Variants in SHISA9 observed in about 807,000 individuals in gnomAD.
The protein encoded by SHISA9 is shisa family member 9.
A neutral mutation model predicts 38.0 loss-of-function variants in SHISA9; 13 were observed. The ratio of observed to expected loss-of-function variants is 0.34; its 90% CI spans 0.22 to 0.54. The LOEUF (loss-of-function observed/expected upper bound fraction) is 0.54, where lower values mean the gene tolerates loss of function less well. Ranked by LOEUF, SHISA9 falls within the 20% of genes least tolerant of loss-of-function variation. The pLI, the probability that SHISA9 is intolerant of heterozygous loss-of-function variation, is 0.91. For synonymous variants in SHISA9, 275 were observed against 242.0 expected (o/e 1.14, Z -1.27); for missense variants, 538 against 575.8 (o/e 0.93, Z 0.67).
At chr16:13,407,360 G>T in the SHISA9 span, among the ~76,000 whole-genome samples, 3 of 152,112 alleles carry the variant, frequency 2.0e-5, no homozygotes, top group Non-Finnish European at 4.4e-5. Context: ...GTGCATTCAC[G>T]TGGTGGAAGA....
chr16:13,166,776 C>G (rs895140497), intron 2 of SHISA9, among the ~76,000 whole-genome samples: 1 of 152,102 alleles, frequency 6.6e-6, no homozygotes, highest in African/African-American at 2.4e-5. Flanking sequence ...TGGTTGTGGG[C>G]AAAGAAGCCA....
chr16:13,403,420 T>C, the SHISA9 span, among the ~76,000 whole-genome samples: 2 of 152,204 alleles, frequency 1.3e-5, no homozygotes, highest in Admixed American at 6.5e-5. Context: ...GTGGAATGAA[T>C]GAATGGATGG....
At chr16:13,114,100 C>T (rs2074006056) in intron 2 of SHISA9, among the ~76,000 whole-genome samples, 1 of 152,122 alleles carries the variant, frequency 6.6e-6, no homozygotes, top group African/African-American at 2.4e-5. Context: ...AGCAAACTCA[C>T]AATATTGAAG....
intron 2 of SHISA9, among the ~76,000 whole-genome samples, chr16:12,996,085 G>A (rs187263679): frequency 4.0e-4 from 61 of 152,304 alleles, no homozygotes; most frequent in Non-Finnish European, 7.5e-4. Context: ...TGATGTACAC[G>A]TGCCTCTTTT....
chr16:13,260,795 A>G, the SHISA9 span, among the ~76,000 whole-genome samples: 1 of 151,866 alleles, frequency 6.6e-6, no homozygotes, highest in East Asian at 1.9e-4. Flanking sequence ...GCCCCCCTTT[A>G]CTGGTACCAA....
intron 2 of SHISA9, among the ~76,000 whole-genome samples, chr16:13,122,203 C>G (rs2050218000): frequency 6.6e-6 from 1 of 152,110 alleles, no homozygotes; most frequent in African/African-American, 2.4e-5. Context: ...AGAAATCCAG[C>G]CTTTGTGAAC....
At chr16:13,190,730 C>T (rs2050876982) in intron 2 of SHISA9, among the ~76,000 whole-genome samples, 1 of 152,174 alleles carries the variant, frequency 6.6e-6, no homozygotes, top group African/African-American at 2.4e-5. Context: ...CTCTGTCCCC[C>T]AGAGCCTGCA....
chr16:13,453,365 C>A, the SHISA9 span, among the ~76,000 whole-genome samples: 2 of 152,178 alleles, frequency 1.3e-5, no homozygotes, highest in Non-Finnish European at 2.9e-5. Context: ...TCTGTAACTC[C>A]CTGGCTTGGA....
the SHISA9 span, among the ~76,000 whole-genome samples, chr16:13,402,512 CTTT>C: frequency 3.2e-5 from 4 of 125,268 alleles, no homozygotes; most frequent in Non-Finnish European, 3.4e-5. Context: ...AGAGGGTGGT[CTTT>C]TTTTTTTTTT....
the SHISA9 span, among the ~76,000 whole-genome samples, chr16:13,491,046 T>C: frequency 6.6e-6 from 1 of 152,244 alleles, no homozygotes. Flanking sequence ...CCCAATACTT[T>C]CATGTAACTA....
At chr16:13,174,279 G>T (rs2050712934) in intron 2 of SHISA9, among the ~76,000 whole-genome samples, 1 of 152,136 alleles carries the variant, frequency 6.6e-6, no homozygotes, top group African/African-American at 2.4e-5. Flanking sequence ...ACAAAAACAT[G>T]ACTCTCCTCT....
the SHISA9 span, among the ~76,000 whole-genome samples, chr16:13,290,380 A>G: frequency 2.6e-5 from 4 of 152,078 alleles, no homozygotes; most frequent in African/African-American, 9.7e-5. Flanking sequence ...GCATTCACCC[A>G]TGCTTTTAGC....
At chr16:13,347,733 T>G in the SHISA9 span, among the ~76,000 whole-genome samples, 1 of 152,206 alleles carries the variant, frequency 6.6e-6, no homozygotes, top group Non-Finnish European at 1.5e-5. Context: ...CCTGTCTTCA[T>G]TCTCCTGCAG....
chr16:13,008,653 CCCTCCCTCCCTT>C (rs532084214), intron 2 of SHISA9, among the ~76,000 whole-genome samples: 4,152 of 80,360 alleles, frequency 0.052, 413 homozygotes, highest in African/African-American at 0.15. Flanking sequence ...CTCCCTCCCT[CCCTCCCTCCCTT>C]CCTCCCTCCC....
intron 2 of SHISA9, among the ~76,000 whole-genome samples, chr16:13,163,828 C>T (rs1047139857): frequency 2.0e-5 from 3 of 152,016 alleles, no homozygotes; most frequent in African/African-American, 7.2e-5. Flanking sequence ...GTATGTTAAC[C>T]TTGTGTCTTG....
intron 2 of SHISA9, among the ~76,000 whole-genome samples, chr16:12,995,546 G>A (rs1047412442): frequency 2.6e-5 from 4 of 152,114 alleles, no homozygotes; most frequent in Non-Finnish European, 4.4e-5. Context: ...TGTCTTAAAC[G>A]CAAATGAGGG....
chr16:13,247,198 A>C, the SHISA9 span, among the ~76,000 whole-genome samples: 4 of 152,080 alleles, frequency 2.6e-5, no homozygotes, highest in African/African-American at 9.7e-5. Flanking sequence ...GAACTCACTC[A>C]CTATCATGAG....
chr16:13,071,286 C>G (rs1280206587), intron 2 of SHISA9, among the ~76,000 whole-genome samples: 1 of 152,196 alleles, frequency 6.6e-6, no homozygotes, highest in Non-Finnish European at 1.5e-5. Flanking sequence ...TTTTCCCATA[C>G]TAGGGATAAG....
At chr16:13,509,483 T>A in the SHISA9 span, among the ~76,000 whole-genome samples, 12 of 152,236 alleles carry the variant, frequency 7.9e-5, no homozygotes, top group South Asian at 1.2e-3. Flanking sequence ...AGTGCCTGCC[T>A]CACATAATTG....
Sources: gnomAD v4.1 joint callset for allele counts (sites outside exome capture counted in the v4.1 genomes callset) on GRCh38, gnomAD v4.1.1 for gene constraint, MANE v1.5 for transcripts, NCBI Gene and HGNC (gene_info 2026-07-23, HGNC 2026-07-21) for gene names.